Variants in IFT74 observed in about 807,000 individuals in gnomAD.
The protein encoded by IFT74 is intraflagellar transport 74.
IFT74 carries 92 observed loss-of-function variants against 96.7 expected under a neutral mutation model. That is an observed-to-expected ratio of 0.95 (90% CI 0.80 to 1.13). The LOEUF (loss-of-function observed/expected upper bound fraction) is 1.13. IFT74 is among the 50% of genes most tolerant of loss of function. The probability of loss-of-function intolerance (pLI) is 0.00; values close to 1 mark genes in which losing one functional copy is unlikely to be tolerated. For missense variants in IFT74, 811 were observed against 698.2 expected, an observed-to-expected ratio of 1.16 and a Z score of -1.82; for synonymous variants, 223 against 213.2, an observed-to-expected ratio of 1.05 and a Z score of -0.40.
chr9:27,064,774 T>G lies in IFT74; in HGVS notation c.*2038T>G, dbSNP rs2131723530. Among the ~76,000 whole-genome samples the G allele has an allele frequency of 6.6e-6, 1 of 152,226 alleles. No individual in the cohort carries two copies. The highest frequency in any genetic ancestry group is 2.4e-5 in the African/African-American group (1 of 41,556). Reference sequence around the variant, plus strand: ...TTTTTTATGATTTCTACTTAAGTGTTCTTGACATTTTACTGCACCCTTTTA... The same window carrying G: ...TTTTTTATGATTTCTACTTAAGTGTGCTTGACATTTTACTGCACCCTTTTA... On this transcript the variant is annotated 3_prime_UTR_variant, in exon 20 of 20. Coordinates refer to ENST00000380062, the MANE Select transcript of IFT74 (RefSeq NM_025103.4).
In IFT74 at chr9:27,024,791, A is replaced by G. The variant is rs76048328; in HGVS notation, c.975-4234A>G. On this transcript the variant is annotated intron_variant, in intron 12 of 19. Coordinates refer to ENST00000380062, the MANE Select transcript of IFT74 (RefSeq NM_025103.4). ...CAGGATATGGATGAAAAAAATCTCC[A>G]GAGAAATATGTAGCATAAATAAAAA... 7.3e-3 allele frequency among the ~76,000 whole-genome samples: 1,118 copies of G among 152,216 alleles called. 13 individuals are homozygous for G. Among genetic ancestry groups the G allele is most frequent in the African/African-American group, 0.026 (1,063 of 41,522 alleles).
At chr9:27,056,550 T>C in intron 18 of IFT74, 91 bp downstream of exon 18, 1 of 1,128,518 alleles carries the variant, frequency 8.9e-7, no homozygotes, top group Non-Finnish European at 1.3e-6. Flanking sequence ...TTGCTTTATA[T>C]ACCTTCTAGA....
At chr9:26,993,802 C>G in intron 8 of IFT74, 1 of 152,194 alleles carries the variant, frequency 6.6e-6, no homozygotes, top group East Asian at 1.9e-4. Context: ...ATCCATACCT[C>G]TAGCCACTGT....
chr9:26,956,768 C>G (rs1188968700), intron 1 of IFT74, among the ~76,000 whole-genome samples: 1 of 152,202 alleles, frequency 6.6e-6, no homozygotes, highest in Non-Finnish European at 1.5e-5. Flanking sequence ...GAGGGAAGGA[C>G]CGCGATGGGC....
intron 12 of IFT74, among the ~76,000 whole-genome samples, chr9:27,022,990 T>C (rs1829689410): frequency 6.6e-6 from 1 of 152,174 alleles, no homozygotes; most frequent in Non-Finnish European, 1.5e-5. Context: ...GCGGTGCTAC[T>C]GATTTGTGTA....
At chr9:27,033,831 A>T (rs537883892) in intron 13 of IFT74, among the ~76,000 whole-genome samples, 1 of 152,242 alleles carries the variant, frequency 6.6e-6, no homozygotes, top group Non-Finnish European at 1.5e-5. Context: ...TGGTTTGCAA[A>T]TTTCTTCCCA....
chr9:27,049,787 G>A (rs1819845984), intron 16 of IFT74, among the ~76,000 whole-genome samples: 1 of 152,098 alleles, frequency 6.6e-6, no homozygotes. Context: ...AAGAGATGAT[G>A]TTTCACTTTA....
intron 8 of IFT74, chr9:26,999,693 A>T: frequency 6.2e-7 from 1 of 1,604,406 alleles, no homozygotes; most frequent in East Asian, 2.2e-5. Context: ...TGTGACTTTC[A>T]TGTTGCAGAC....
At chr9:27,014,249 T>C (rs1766072308) in intron 10 of IFT74, among the ~76,000 whole-genome samples, 1 of 152,158 alleles carries the variant, frequency 6.6e-6, no homozygotes, top group South Asian at 2.1e-4. Flanking sequence ...GTTTTCTGTG[T>C]CTGGTTGTCC....
intron 13 of IFT74, among the ~76,000 whole-genome samples, chr9:27,034,883 T>C (rs527862317): frequency 6.6e-6 from 1 of 152,368 alleles, no homozygotes; most frequent in East Asian, 1.9e-4. Flanking sequence ...TGGATTCAAA[T>C]CCAGGCTGTG....
chr9:27,038,367 G>A (rs1819300717), intron 13 of IFT74, among the ~76,000 whole-genome samples: 2 of 152,200 alleles, frequency 1.3e-5, no homozygotes, highest in African/African-American at 4.8e-5. Context: ...GGTTCAAGCA[G>A]TTCTCACGCC....
At chr9:26,973,255 G>C (rs537384204) in intron 2 of IFT74, among the ~76,000 whole-genome samples, 45 of 152,312 alleles carry the variant, frequency 3.0e-4, no homozygotes, top group African/African-American at 7.2e-4. Context: ...CTGGTTAATA[G>C]CTCTGAAGTC....
At chr9:27,002,599 A>C (rs1269463168) in intron 8 of IFT74, among the ~76,000 whole-genome samples, 1 of 152,198 alleles carries the variant, frequency 6.6e-6, no homozygotes, top group Non-Finnish European at 1.5e-5. Context: ...GAGTTGATGT[A>C]AATGTGTGTA....
At chr9:26,997,874 A>G (rs2131574229) in intron 8 of IFT74, 4 of 1,614,196 alleles carry the variant, frequency 2.5e-6, no homozygotes, top group Non-Finnish European at 3.4e-6. Flanking sequence ...TTGCAGATTC[A>G]GAAGTTTTAG....
intron 13 of IFT74, among the ~76,000 whole-genome samples, chr9:27,041,140 T>C (rs1819460049): frequency 1.3e-5 from 2 of 152,332 alleles, no homozygotes; most frequent in African/African-American, 2.4e-5. Context: ...GAATTTATAG[T>C]ATACATTTTT....
chr9:27,007,211 A>G (rs1402087125), intron 8 of IFT74, among the ~76,000 whole-genome samples: 3 of 152,296 alleles, frequency 2.0e-5, no homozygotes, highest in East Asian at 3.9e-4. Flanking sequence ...TACTCAAAGC[A>G]TCAAAAAGAC....
intron 8 of IFT74, chr9:26,996,203 G>A: frequency 2.8e-6 from 2 of 716,114 alleles, no homozygotes; most frequent in Admixed American, 7.2e-5. Flanking sequence ...GTTGAGATGA[G>A]GAATCTTTCT....
At chr9:26,959,178 A>G (rs900181654) in intron 1 of IFT74, among the ~76,000 whole-genome samples, 1 of 152,000 alleles carries the variant, frequency 6.6e-6, no homozygotes, top group Non-Finnish European at 1.5e-5. Flanking sequence ...GCACGATCTC[A>G]GCTCACTGCA....
At chr9:27,020,331 C>A (rs1296496888) in intron 12 of IFT74, among the ~76,000 whole-genome samples, 1 of 152,000 alleles carries the variant, frequency 6.6e-6, no homozygotes, top group African/African-American at 2.4e-5. Flanking sequence ...TTTTGCAATA[C>A]TGGCTAAGGT....
Sources: gnomAD v4.1 joint callset for allele counts (sites outside exome capture counted in the v4.1 genomes callset) on GRCh38, gnomAD v4.1.1 for gene constraint, MANE v1.5 for transcripts, NCBI Gene and HGNC (gene_info 2026-07-23, HGNC 2026-07-21) for gene names.